Variants in PDK1 observed in about 807,000 individuals in gnomAD.
PDK1 encodes [Pyruvate dehydrogenase (acetyl-transferring)] kinase isozyme 1, mitochondrial.
PDK1 carries 39 observed loss-of-function variants against 54.2 expected under a neutral mutation model. The observed-to-expected ratio is 0.72, with a 90% confidence interval of 0.56 to 0.94. The LOEUF (loss-of-function observed/expected upper bound fraction) is 0.94. PDK1 is among the 40% of genes least tolerant of loss of function. The pLI is 0.00. For missense variants in PDK1, 552 were observed against 566.0 expected, an observed-to-expected ratio of 0.98 and a Z score of 0.25; for synonymous variants, 221 against 207.1, an observed-to-expected ratio of 1.07 and a Z score of -0.58.
chr2:172,693,648 T>A, the PDK1 span, among the ~76,000 whole-genome samples: 5 of 152,030 alleles, frequency 3.3e-5, no homozygotes, highest in Non-Finnish European at 4.4e-5. Context: ...GACAAACCTG[T>A]TTTTGCTTTT....
At chr2:172,579,298 TAC>T (rs1689749950) in intron 8 of PDK1, among the ~76,000 whole-genome samples, 1 of 152,132 alleles carries the variant, frequency 6.6e-6, no homozygotes, top group Non-Finnish European at 1.5e-5. Flanking sequence ...GTCAAATAAA[TAC>T]AGTCTTCCCA....
the PDK1 span, among the ~76,000 whole-genome samples, chr2:172,622,707 TA>T: frequency 8.2e-6 from 1 of 122,342 alleles, no homozygotes; most frequent in Non-Finnish European, 1.9e-5. Context: ...ATATCTCATA[TA>T]TTATGTGAGA....
the PDK1 span, among the ~76,000 whole-genome samples, chr2:172,716,307 C>A: frequency 2.6e-5 from 4 of 152,144 alleles, no homozygotes; most frequent in African/African-American, 9.7e-5. Context: ...ATACTTGTTA[C>A]TGAAATATCT....
At chr2:172,689,116 G>T in the PDK1 span, among the ~76,000 whole-genome samples, 4 of 152,162 alleles carry the variant, frequency 2.6e-5, no homozygotes, top group African/African-American at 9.7e-5. Context: ...CCCATGTCCT[G>T]CTGATTGGTC....
the PDK1 span, among the ~76,000 whole-genome samples, chr2:172,699,786 C>T: frequency 0.29 from 42,643 of 149,528 alleles, 7,050 homozygotes; most frequent in African/African-American, 0.47. Context: ...TTATTATCAT[C>T]CTTGGGTGTT....
the PDK1 span, among the ~76,000 whole-genome samples, chr2:172,627,449 A>G: frequency 0.025 from 3,753 of 152,300 alleles, 145 homozygotes; most frequent in African/African-American, 0.084. Context: ...CATAAAAGAG[A>G]CAGCAGAACA....
chr2:172,705,888 C>T, the PDK1 span, among the ~76,000 whole-genome samples: 2 of 152,150 alleles, frequency 1.3e-5, no homozygotes, highest in East Asian at 1.9e-4. Context: ...ACAGAACTTA[C>T]TTGTAGTATT....
rs79821070 is a variant in PDK1, at chr2:172,570,609, A to T, written c.847-117A>T. 1.7e-3 allele frequency: 909 copies of T among 526,930 alleles called. 11 individuals are homozygous for T. In the Admixed American group the frequency reaches 0.018, roughly 11 times the overall value. 32.6% of individuals were successfully genotyped at this position (526,930 alleles called of 1,614,324 possible). On this transcript the variant is annotated intron_variant, in intron 7 of 10. Coordinates refer to ENST00000282077, the MANE Select transcript of PDK1 (RefSeq NM_002610.5). ...TTTAAATGTGGTTATAAGAATTGTG[A>T]TTCTTTGGCATATTTCCATCAAATT... is the stretch of plus-strand genomic sequence containing the variant.
chr2:172,688,564 C>T, the PDK1 span, among the ~76,000 whole-genome samples: 2 of 152,048 alleles, frequency 1.3e-5, no homozygotes, highest in African/African-American at 4.8e-5. Context: ...GAGCAGACCC[C>T]AACGTGGGAT....
chr2:172,680,425 C>T, the PDK1 span, among the ~76,000 whole-genome samples: 1 of 152,146 alleles, frequency 6.6e-6, no homozygotes, highest in Non-Finnish European at 1.5e-5. Context: ...GATCATAGCT[C>T]ACTGCAGCCT....
the PDK1 span, among the ~76,000 whole-genome samples, chr2:172,690,871 A>T: frequency 2.8e-5 from 4 of 140,538 alleles, no homozygotes; most frequent in African/African-American, 1.0e-4. Flanking sequence ...GAGCTGGGGG[A>T]GGGATAGGAG....
chr2:172,664,334 A>AAAAAAAAAAAAAAAAAAAAAAAT, the PDK1 span, among the ~76,000 whole-genome samples: 1 of 150,490 alleles, frequency 6.6e-6, no homozygotes, highest in South Asian at 2.1e-4. Flanking sequence ...AAAAAAAAAA[A>AAAAAAAAAAAAAAAAAAAAAAAT]GCATTGCCTT....
chr2:172,667,471 C>G, the PDK1 span, among the ~76,000 whole-genome samples: 1 of 152,172 alleles, frequency 6.6e-6, no homozygotes, highest in Non-Finnish European at 1.5e-5. Context: ...AATGTAGGCT[C>G]TGAATTAGTT....
chr2:172,623,511 G>T, the PDK1 span, among the ~76,000 whole-genome samples: 14 of 152,118 alleles, frequency 9.2e-5, no homozygotes, highest in Middle Eastern at 3.2e-3. Context: ...CAATTTTATC[G>T]CTCATGACTG....
chr2:172,666,336 T>G, the PDK1 span, among the ~76,000 whole-genome samples: 1 of 152,230 alleles, frequency 6.6e-6, no homozygotes, highest in African/African-American at 2.4e-5. Flanking sequence ...TATACAGATG[T>G]TGGAAATAAA....
the PDK1 span, among the ~76,000 whole-genome samples, chr2:172,645,560 A>G: frequency 1.3e-5 from 2 of 152,148 alleles, no homozygotes; most frequent in Non-Finnish European, 2.9e-5. Flanking sequence ...TGCCTGGCCT[A>G]AAACTGTTGC....
At chr2:172,637,219 ACCTGTTCTGGAGCAGCTC>A in the PDK1 span, among the ~76,000 whole-genome samples, 1 of 152,140 alleles carries the variant, frequency 6.6e-6, no homozygotes, top group Non-Finnish European at 1.5e-5. Context: ...TCCCACTTTG[ACCTGTTCTGGAGCAGCTC>A]CCTGACGCTG....
At chr2:172,665,898 G>GA in the PDK1 span, among the ~76,000 whole-genome samples, 1 of 152,062 alleles carries the variant, frequency 6.6e-6, no homozygotes, top group Non-Finnish European at 1.5e-5. Context: ...TTTCTTCCTG[G>GA]ATCACTCAGA....
At chr2:172,698,309 C>T in the PDK1 span, among the ~76,000 whole-genome samples, 1 of 152,260 alleles carries the variant, frequency 6.6e-6, no homozygotes, top group East Asian at 1.9e-4. Flanking sequence ...TCCCTCTTCT[C>T]ATGCAAGAAA....
Sources: allele counts gnomAD v4.1 joint callset (sites outside exome capture counted in the v4.1 genomes callset), GRCh38; gene constraint gnomAD v4.1.1; transcripts MANE v1.5; gene names NCBI Gene and HGNC (gene_info 2026-07-23, HGNC 2026-07-21).